Variants in XRCC4 observed in about 807,000 individuals in gnomAD.
XRCC4 encodes DNA repair protein XRCC4.
A neutral mutation model predicts 39.1 loss-of-function variants in XRCC4; 28 were observed. The ratio of observed to expected loss-of-function variants is 0.72; its 90% CI spans 0.53 to 0.98. The LOEUF is 0.98. XRCC4 is among the 50% of genes least tolerant of loss of function. XRCC4 has a pLI of 0.00. For missense variants in XRCC4, 350 were observed against 376.4 expected (o/e 0.93, Z 0.58); for synonymous variants, 123 against 126.4 (o/e 0.97, Z 0.18).
chr5:83,134,968 G>A (rs558186933), intron 3 of XRCC4, among the ~76,000 whole-genome samples: 5 of 152,196 alleles, frequency 3.3e-5, no homozygotes, highest in East Asian at 1.9e-4. Flanking sequence ...AAGATACTCC[G>A]GACACATCTG....
chr5:83,248,767 C>T (rs1038569208), intron 6 of XRCC4, among the ~76,000 whole-genome samples: 3 of 152,064 alleles, frequency 2.0e-5, no homozygotes, highest in African/African-American at 7.2e-5. Flanking sequence ...GTAACTTTAG[C>T]TTTTAATTGT....
At chr5:83,321,852 C>G (rs1580510177) in intron 7 of XRCC4, among the ~76,000 whole-genome samples, 1 of 151,676 alleles carries the variant, frequency 6.6e-6, no homozygotes, top group East Asian at 1.9e-4. Flanking sequence ...CCTTATTATC[C>G]ATGATTAAGT....
chr5:83,188,500 T>G (rs1352363312), intron 3 of XRCC4, among the ~76,000 whole-genome samples: 3 of 152,174 alleles, frequency 2.0e-5, no homozygotes, highest in Non-Finnish European at 4.4e-5. Flanking sequence ...TATAAAGAAA[T>G]TCATGAGAAT....
chr5:83,347,466 AC>A (rs774817919), intron 7 of XRCC4, among the ~76,000 whole-genome samples: 1 of 152,130 alleles, frequency 6.6e-6, no homozygotes, highest in Non-Finnish European at 1.5e-5. Context: ...TCTTCACATG[AC>A]TGGCAGGAGA....
chr5:83,152,372 G>A lies in XRCC4; in HGVS notation c.315+41169G>A, dbSNP rs10045668. On this transcript the variant is annotated intron_variant, in intron 3 of 7. Coordinates refer to ENST00000396027, the MANE Select transcript of XRCC4 (RefSeq NM_003401.5). ...CTTCAGGCCTGGCACGGTGGCTCAC[G>A]CCTGTAATCCCAGCACTTTGGGAGG... 4.2e-3 allele frequency among the ~76,000 whole-genome samples: 644 copies of A among 152,260 alleles called. 2 individuals carry two copies. The highest frequency in any genetic ancestry group is 0.012 in the African/African-American group (480 of 41,562).
At chr5:83,323,173 G>A (rs73138290) in intron 7 of XRCC4, among the ~76,000 whole-genome samples, 2,414 of 151,786 alleles carry the variant, frequency 0.016, 73 homozygotes, top group African/African-American at 0.055. Context: ...CAAAAATGCA[G>A]AAACCAAAAA....
intron 1 of XRCC4, among the ~76,000 whole-genome samples, chr5:83,093,816 T>G (rs1197187439): frequency 6.6e-6 from 1 of 152,140 alleles, no homozygotes; most frequent in Non-Finnish European, 1.5e-5. Context: ...AAGTTTTGCT[T>G]GTCTGGGAAA....
At chr5:83,121,076 C>A (rs576252342) in intron 3 of XRCC4, among the ~76,000 whole-genome samples, 1 of 152,064 alleles carries the variant, frequency 6.6e-6, no homozygotes, top group Non-Finnish European at 1.5e-5. Flanking sequence ...TTTTATTCAG[C>A]GTAATTGTTT....
At position 83,275,646 on chromosome 5, in the gene XRCC4, T is replaced by C. The variant is rs28360267; in HGVS notation, c.893+16969T>C. 5.9e-3 allele frequency among the ~76,000 whole-genome samples: 895 copies of C among 152,256 alleles called. 1 individual carries two copies. Among genetic ancestry groups the C allele is most frequent in the Middle Eastern group, 0.01 (3 of 294 alleles). ...ACATCACAGCAGAGATACCAAGATA[T>C]ATATGAATCTAGAATTCCTGCGACA... On this transcript the variant is annotated intron_variant, in intron 7 of 7. Transcript: ENST00000396027.
intron 7 of XRCC4, among the ~76,000 whole-genome samples, chr5:83,260,211 T>C (rs1402974629): frequency 6.6e-6 from 1 of 152,130 alleles, no homozygotes; most frequent in East Asian, 1.9e-4. Context: ...TGATCTCTTT[T>C]ATACGGTGAA....
At chr5:83,289,261 G>A (rs1314025945) in intron 7 of XRCC4, among the ~76,000 whole-genome samples, 1 of 151,760 alleles carries the variant, frequency 6.6e-6, no homozygotes, top group Non-Finnish European at 1.5e-5. Flanking sequence ...TGTCATATTT[G>A]AGTATGGTTT....
chr5:83,243,965 G>A (rs895578558), intron 6 of XRCC4, among the ~76,000 whole-genome samples: 6 of 152,146 alleles, frequency 3.9e-5, no homozygotes, highest in African/African-American at 1.2e-4. Flanking sequence ...AATTAATAGA[G>A]AATGGAGGAA....
chr5:83,372,075 G>A, the XRCC4 span, among the ~76,000 whole-genome samples: 4 of 152,156 alleles, frequency 2.6e-5, no homozygotes, highest in African/African-American at 9.7e-5. Context: ...TGGCACTGGG[G>A]TGCAGGAAAT....
chr5:83,263,789 G>C (rs2112911332), intron 7 of XRCC4, among the ~76,000 whole-genome samples: 1 of 150,448 alleles, frequency 6.6e-6, no homozygotes, highest in African/African-American at 2.4e-5. Context: ...CTCCCATTTT[G>C]TAGGTTGCCT....
chr5:83,155,534 G>A (rs1383689789), intron 3 of XRCC4, among the ~76,000 whole-genome samples: 2 of 152,074 alleles, frequency 1.3e-5, no homozygotes, highest in Non-Finnish European at 2.9e-5. Flanking sequence ...AATCTTGAAC[G>A]CTGTCCTCAG....
chr5:83,315,159 T>C (rs1222512864), intron 7 of XRCC4, among the ~76,000 whole-genome samples: 1 of 152,166 alleles, frequency 6.6e-6, no homozygotes, highest in Non-Finnish European at 1.5e-5. Flanking sequence ...TTGAATGGTC[T>C]GGATAGAAAA....
the XRCC4 span, among the ~76,000 whole-genome samples, chr5:83,359,659 C>G: frequency 2.6e-5 from 4 of 152,212 alleles, no homozygotes; most frequent in African/African-American, 9.6e-5. Context: ...TTGAAACAAA[C>G]AAGAAATTAC....
rs369256873 is a variant in XRCC4, at chr5:83,258,530, C to T, written c.746C>T (p.Ala249Val). 6.2e-7 allele frequency: 1 copy of T among 1,605,130 alleles called. No homozygotes were observed. Among genetic ancestry groups the T allele is most frequent in the Non-Finnish European group, 8.5e-7 (1 of 1,177,478 alleles). ...ACATTCTCATCTCATTTTATTTCAG[C>T]TGCTGTAAGTAAAGATGATTCCATT... Reference protein sequence around the residue: ...NQTDLSGLASAAVSKDDSIIS... With the variant: ...NQTDLSGLASVAVSKDDSIIS... Residue 249 changes from alanine to valine, a missense_variant and splice_region_variant, in exon 7 of 8, where the codon GCT (alanine) becomes GTT (valine). Transcript: ENST00000396027.
intron 3 of XRCC4, among the ~76,000 whole-genome samples, chr5:83,170,156 A>G (rs1029922900): frequency 6.6e-6 from 1 of 152,198 alleles, no homozygotes; most frequent in Non-Finnish European, 1.5e-5. Context: ...TTAACTACCA[A>G]TAACATACTT....
Sources: allele counts gnomAD v4.1 joint callset (sites outside exome capture counted in the v4.1 genomes callset), GRCh38; gene constraint gnomAD v4.1.1; transcripts MANE v1.5; gene names NCBI Gene and HGNC (gene_info 2026-07-23, HGNC 2026-07-21).